Variants in GCNT1 observed in about 807,000 individuals in gnomAD.
GCNT1 encodes beta-1,3-galactosyl-O-glycosyl-glycoprotein beta-1,6-N-acetylglucosaminyltransferase.
A neutral mutation model predicts 26.2 loss-of-function variants in GCNT1; 16 were observed. The ratio of observed to expected loss-of-function variants is 0.61; its 90% CI spans 0.41 to 0.93. The LOEUF (loss-of-function observed/expected upper bound fraction) is 0.93, where lower values mean the gene tolerates loss of function less well. Ranked by LOEUF, GCNT1 falls within the 40% of genes least tolerant of loss-of-function variation. The pLI, the probability that GCNT1 is intolerant of heterozygous loss-of-function variation, is 0.00. For synonymous variants in GCNT1, 183 were observed against 190.8 expected, an observed-to-expected ratio of 0.96 and a Z score of 0.34; for missense variants, 477 against 526.7, an observed-to-expected ratio of 0.91 and a Z score of 0.92.
chr9:76,423,139 A>G (rs958226986), intron 1 of GCNT1, among the ~76,000 whole-genome samples: 1 of 152,208 alleles, frequency 6.6e-6, no homozygotes. Context: ...TTAGTCGTCC[A>G]TGATCACCAC....
intron 2 of GCNT1, among the ~76,000 whole-genome samples, chr9:76,492,233 G>A (rs1349420598): frequency 3.9e-5 from 6 of 152,088 alleles, no homozygotes; most frequent in African/African-American, 4.8e-5. Context: ...CTCAAGCAGC[G>A]GACAACAAAT....
chr9:76,402,500 C>G, the GCNT1 span, among the ~76,000 whole-genome samples: 1 of 152,124 alleles, frequency 6.6e-6, no homozygotes, highest in Non-Finnish European at 1.5e-5. Context: ...AAAAAGCAGA[C>G]TGAGAGCCTA....
chr9:76,438,761 C>T (rs1310220254), upstream of GCNT1, among the ~76,000 whole-genome samples: 1 of 149,096 alleles, frequency 6.7e-6, no homozygotes, highest in African/African-American at 2.5e-5. Context: ...TGTCTTGGGC[C>T]ACACATAAAA....
At chr9:76,477,945 A>G (rs1824293260) in intron 2 of GCNT1, among the ~76,000 whole-genome samples, 2 of 152,216 alleles carry the variant, frequency 1.3e-5, no homozygotes, top group African/African-American at 4.8e-5. Flanking sequence ...GTCTAGTTAA[A>G]GGATTGTAAA....
chr9:76,396,531 TAAGA>T, the GCNT1 span, among the ~76,000 whole-genome samples: 1 of 142,648 alleles, frequency 7.0e-6, no homozygotes, highest in Non-Finnish European at 1.6e-5. Context: ...GAGGAGAAAA[TAAGA>T]AAGAAAATTT....
At chr9:76,397,701 C>G in the GCNT1 span, among the ~76,000 whole-genome samples, 1 of 152,130 alleles carries the variant, frequency 6.6e-6, no homozygotes, top group Admixed American at 6.5e-5. Flanking sequence ...TCCTCGGCCT[C>G]CCAAGAAGGA....
intron 1 of GCNT1, among the ~76,000 whole-genome samples, chr9:76,430,770 G>A (rs974169667): frequency 2.0e-5 from 3 of 152,110 alleles, no homozygotes; most frequent in East Asian, 1.9e-4. Flanking sequence ...TGCAACCTCC[G>A]CCTCCCAGGC....
chr9:76,498,773 CAAAAAAAAAAAA>C, intron 2 of GCNT1, among the ~76,000 whole-genome samples: 1 of 39,406 alleles, frequency 2.5e-5, no homozygotes, highest in Admixed American at 3.1e-4. Context: ...AATTCCAGCT[CAAAAAAAAAAAA>C]AAAAAGAAAA....
At chr9:76,423,843 TC>T (rs1442121794) in intron 1 of GCNT1, among the ~76,000 whole-genome samples, 1 of 152,242 alleles carries the variant, frequency 6.6e-6, no homozygotes, top group African/African-American at 2.4e-5. Context: ...TGAGATAGTA[TC>T]CTTTTTGTTG....
At chr9:76,423,711 TG>T (rs1823228353) in intron 1 of GCNT1, among the ~76,000 whole-genome samples, 1 of 152,226 alleles carries the variant, frequency 6.6e-6, no homozygotes, top group South Asian at 2.1e-4. Flanking sequence ...TTCCATGAGA[TG>T]GGGATTCAAC....
chr9:76,439,558 G>GAA (rs5898477), upstream of GCNT1, among the ~76,000 whole-genome samples: 6 of 151,278 alleles, frequency 4.0e-5, no homozygotes, highest in Admixed American at 6.6e-5. Flanking sequence ...AAGAAAAAAT[G>GAA]AAAAAAAAAT....
chr9:76,457,398 G>A (rs1389774398), upstream of GCNT1, among the ~76,000 whole-genome samples: 1 of 152,116 alleles, frequency 6.6e-6, no homozygotes, highest in Non-Finnish European at 1.5e-5. Flanking sequence ...GCAGGCACAC[G>A]CCACCGCAGC....
chr9:76,468,715 C>T, intron 2 of GCNT1, among the ~76,000 whole-genome samples: 1 of 152,188 alleles, frequency 6.6e-6, no homozygotes, highest in South Asian at 2.1e-4. Context: ...TTGCCTCTTT[C>T]CAATTTTGCT....
intron 1 of GCNT1, among the ~76,000 whole-genome samples, chr9:76,424,147 C>T (rs1040387707): frequency 5.9e-5 from 9 of 152,072 alleles, no homozygotes; most frequent in Admixed American, 5.2e-4. Flanking sequence ...TCCTTATAGA[C>T]AGGCAAAAAT....
Position 76,423,708 on chromosome 9 carries a change from A to T in GCNT1, n.38+3821A>T, listed in dbSNP as rs190907724. ...ACGCTTTTTTTCTCAAGCTTCCATG[A>T]GATGGGGATTCAACAACTCTTCTAG... On this transcript the variant is annotated intron_variant and non_coding_transcript_variant, in intron 1 of 3. Transcript: ENST00000488136. Among the ~76,000 whole-genome samples the T allele has an allele frequency of 3.4e-3, 524 of 152,358 alleles. 1 individual carries two copies. The highest frequency in any genetic ancestry group is 5.7e-3 in the Non-Finnish European group (388 of 68,028).
chr9:76,435,746 C>T (rs1174345340), intron 1 of GCNT1, among the ~76,000 whole-genome samples: 1 of 152,144 alleles, frequency 6.6e-6, no homozygotes, highest in Non-Finnish European at 1.5e-5. Flanking sequence ...TCTCCAAATA[C>T]AGTCACATCA....
chr9:76,399,928 A>G, the GCNT1 span, among the ~76,000 whole-genome samples: 1 of 152,194 alleles, frequency 6.6e-6, no homozygotes, highest in Non-Finnish European at 1.5e-5. Context: ...CCACAAAAAG[A>G]CCTAGAGGAA....
chr9:76,502,148 T>G (rs536687047), intron 3 of GCNT1, 91 bp from the exon 4 acceptor site: 1 of 181,326 alleles, frequency 5.5e-6, no homozygotes, highest in Admixed American at 6.3e-5. Flanking sequence ...GAAGATTTAT[T>G]GTGAAAAACT....
the GCNT1 span, among the ~76,000 whole-genome samples, chr9:76,407,949 A>G: frequency 2.6e-5 from 4 of 152,208 alleles, no homozygotes; most frequent in Non-Finnish European, 5.9e-5. Context: ...CCAGAAAGGA[A>G]TCAAATTTTG....
Sources: allele counts gnomAD v4.1 joint callset (sites outside exome capture counted in the v4.1 genomes callset), GRCh38; gene constraint gnomAD v4.1.1; transcripts MANE v1.5; gene names NCBI Gene and HGNC (gene_info 2026-07-23, HGNC 2026-07-21).